Variants in HSPA12B observed in about 807,000 individuals in gnomAD.
HSPA12B encodes heat shock protein family A (Hsp70) member 12B, also known as heat shock 70 kDa protein 12B.
Under a neutral mutation model 69.3 loss-of-function variants are expected in HSPA12B, and 54 were observed. That is an observed-to-expected ratio of 0.78 (90% confidence interval 0.63 to 0.98). The LOEUF (loss-of-function observed/expected upper bound fraction) is 0.98. Ranked by LOEUF, HSPA12B falls within the 50% of genes least tolerant of loss-of-function variation. The probability of loss-of-function intolerance (pLI) is 0.00; values close to 1 mark genes in which losing one functional copy is unlikely to be tolerated. For synonymous variants in HSPA12B, 441 were observed against 436.5 expected (o/e 1.01, Z -0.13); for missense variants, 929 against 999.8 (o/e 0.93, Z 0.96).
chr20:3,734,206 G>A (rs887600852), intron 1 of HSPA12B, among the ~76,000 whole-genome samples: 1 of 152,192 alleles, frequency 6.6e-6, no homozygotes, highest in African/African-American at 2.4e-5. Flanking sequence ...TTCGTCCTAG[G>A]CTATTGTAAG....
At chr20:3,741,203 A>G (rs1446392846) in intron 3 of HSPA12B, among the ~76,000 whole-genome samples, 1 of 152,076 alleles carries the variant, frequency 6.6e-6, no homozygotes, top group African/African-American at 2.4e-5. Context: ...GGCTGAGGCA[A>G]GTGTTCCCCT....
At chr20:3,751,471 T>C in intron 12 of HSPA12B, 40 bp from the exon 13 acceptor site, 1 of 1,380,306 alleles carries the variant, frequency 7.2e-7, no homozygotes, top group Non-Finnish European at 9.3e-7. Context: ...CCCCTTCTCC[T>C]CTGCCCCCTT....
In HSPA12B at chr20:3,750,073, G is replaced by T; in HGVS notation, c.1147G>T (p.Ala383Ser). The T allele has an allele frequency of 6.2e-7, 1 of 1,611,914 alleles. No individual in the cohort carries two copies. Among genetic ancestry groups the T allele is most frequent in the Non-Finnish European group, 8.5e-7 (1 of 1,179,530 alleles). ...CACCTTCAAAAGGCAACGGCCGGCAGCCTGGGTAGATCTGACCATCGCCTT... is the reference window on the plus strand; with the variant it reads ...CACCTTCAAAAGGCAACGGCCGGCATCCTGGGTAGATCTGACCATCGCCTT... ...IATFKRQRPA[A>S]WVDLTIAFEA... The change falls in exon 11 of 13, where the codon GCC (alanine) becomes TCC (serine). Residue 383 changes from alanine (A) to serine (S), a missense_variant. By Grantham distance (99) the Ala-to-Ser change is moderately conservative. Around this residue, in one of 3 missense-constraint regions of HSPA12B, gnomAD observed 477 missense variants for 535.2 expected, o/e 0.89. Transcript: ENST00000254963.
chr20:3,736,661 G>A (rs2088112834), intron 1 of HSPA12B, among the ~76,000 whole-genome samples: 2 of 152,250 alleles, frequency 1.3e-5, no homozygotes, highest in Non-Finnish European at 2.9e-5. Context: ...GTGGTCTGCA[G>A]ACTGGCTGAG....
Position 3,752,821 on chromosome 20 carries a change from A to C in HSPA12B, c.*655A>C, listed in dbSNP as rs1240110423. ...ATGAGGGTAGCATTTCTTTCGAGAC[A>C]AAACACCCGTCTGGGAAGGCCCCAA... On this transcript the variant is annotated 3_prime_UTR_variant, in exon 13 of 13. Transcript: ENST00000254963. The C allele has an allele frequency of 6.5e-6, 1 of 153,752 alleles. No individual in the cohort carries two copies. The highest frequency in any genetic ancestry group is 1.5e-5 in the Non-Finnish European group (1 of 68,076). The allele number at this position is 153,752 out of a possible 1,614,324, so 9.5% of individuals were successfully genotyped here. A position where few individuals can be genotyped will look rare whatever the true frequency, so the allele number is the denominator to read the frequency against.
chr20:3,745,474 C>T lies in HSPA12B; in HGVS notation c.454-19C>T, dbSNP rs761752237. On this transcript the variant is annotated intron_variant, in intron 5 of 12. Coordinates refer to ENST00000254963, the MANE Select transcript of HSPA12B (RefSeq NM_052970.5). This position sits in a 1 kb window ranked among gnomAD's most constrained non-coding sequence, Gnocchi z 5.6. Reference sequence around the variant, plus strand: ...GCCAAGCTGAGGCCTCCTGCAGAGCCGCCCTGTGTCCCTGCCAGGATCTCA... The same window carrying T: ...GCCAAGCTGAGGCCTCCTGCAGAGCTGCCCTGTGTCCCTGCCAGGATCTCA... 2 of 1,590,716 alleles carry T rather than the reference C, an allele frequency of 1.3e-6. No homozygotes were observed. Among genetic ancestry groups the T allele is most frequent in the South Asian group, 2.2e-5 (2 of 90,604 alleles).
chr20:3,733,770 G>A (rs533180637), intron 1 of HSPA12B, among the ~76,000 whole-genome samples: 61 of 152,332 alleles, frequency 4.0e-4, no homozygotes, highest in African/African-American at 1.3e-3. Flanking sequence ...CACTTAGCCC[G>A]CTGACGGAGT....
chr20:3,751,972 G>C lies in HSPA12B; in HGVS notation c.1867G>C (p.Gly623Arg). The change falls in exon 13 of 13, where the codon GGC becomes CGC. Residue 623 changes from glycine (G) to arginine (R), a missense_variant. This residue lies in a region of HSPA12B where 448 missense variants were observed against 448.1 expected (regional missense o/e 1.00). Coordinates refer to ENST00000254963, the MANE Select transcript of HSPA12B (RefSeq NM_052970.5). ...AEDARFITDPGVRKCGALSLE... is the reference protein window; with the variant it reads ...AEDARFITDPRVRKCGALSLE... ...GGATGCGCGCTTCATCACCGACCCC[G>C]GCGTGCGCAAATGCGGCGCGCTCAG... The C allele has an allele frequency of 6.3e-7, 1 of 1,578,276 alleles. No homozygotes were observed. Among genetic ancestry groups the C allele is most frequent in the Non-Finnish European group, 8.6e-7 (1 of 1,167,552 alleles).
chr20:3,752,227 C>A lies in HSPA12B; in HGVS notation c.*61C>A. The stretch of plus-strand genomic sequence containing the variant: ...GCCCCGCCCTCTTTCGGTTCAGGGG[C>A]CTGCGGAGCGGGTTGGGGCGGGGGA... On this transcript the variant is annotated 3_prime_UTR_variant, in exon 13 of 13. Coordinates refer to ENST00000254963, the MANE Select transcript of HSPA12B (RefSeq NM_052970.5). 1.4e-6 allele frequency: 2 copies of A among 1,392,556 alleles called. No individual in the cohort carries two copies. The highest frequency in any genetic ancestry group is 2.7e-5 in the East Asian group (1 of 36,736). The allele number at this position is 1,392,556 out of a possible 1,614,324, so 86.3% of individuals were successfully genotyped here.
rs748448416 is a variant in HSPA12B at position 3,742,299 on chromosome 20, G to GC, written c.163dup (p.Gln55ProfsTer12). 1 of 1,613,930 alleles carries GC rather than the reference G, an allele frequency of 6.2e-7. No homozygotes were observed. The highest frequency in any genetic ancestry group is 8.5e-7 in the Non-Finnish European group (1 of 1,179,820). On this transcript the variant is annotated frameshift_variant, in exon 4 of 13. Transcript: ENST00000254963. LOFTEE classifies it high-confidence loss of function. The stretch of plus-strand genomic sequence containing the variant: ...GCACTTGCAGAAACCCGAGGTCCGA[G>GC]CCCCCCAGCAGGCCTCCTTCTCTGT...
chr20:3,750,303 C>A, intron 11 of HSPA12B, 76 bp downstream of exon 11: 1 of 1,404,754 alleles, frequency 7.1e-7, no homozygotes, highest in Non-Finnish European at 9.5e-7. Flanking sequence ...TCCCGGGCCC[C>A]AAGGAACGGT....
chr20:3,735,823 G>C (rs1368131725), intron 1 of HSPA12B, among the ~76,000 whole-genome samples: 1 of 151,988 alleles, frequency 6.6e-6, no homozygotes, highest in Non-Finnish European at 1.5e-5. Context: ...CAATAGCCTC[G>C]GTCCAGAAAA....
rs2088440802 is a variant in HSPA12B, at chr20:3,752,206, C to T, written c.*40C>T. On this transcript the variant is annotated 3_prime_UTR_variant, in exon 13 of 13. Coordinates refer to ENST00000254963, the MANE Select transcript of HSPA12B (RefSeq NM_052970.5). ...GGTGCCAGCGCCGTCTGCCCGGCCC[C>T]GCCCTCTTTCGGTTCAGGGGCCTGC... is the stretch of plus-strand genomic sequence containing the variant. The T allele has an allele frequency of 1.4e-6, 2 of 1,436,972 alleles. No homozygotes were observed. The highest frequency in any genetic ancestry group is 3.0e-5 in the African/African-American group (2 of 67,020). 89.0% of individuals were successfully genotyped at this position (1,436,972 alleles called of 1,614,324 possible).
At chr20:3,747,821 C>T (rs1161694215) in intron 7 of HSPA12B, among the ~76,000 whole-genome samples, 1 of 152,260 alleles carries the variant, frequency 6.6e-6, no homozygotes, top group East Asian at 1.9e-4. Context: ...CACACACCCC[C>T]ACATTGTGCT....
At chr20:3,733,400 C>T (rs2088060913) in intron 1 of HSPA12B, among the ~76,000 whole-genome samples, 1 of 152,086 alleles carries the variant, frequency 6.6e-6, no homozygotes, top group Admixed American at 6.6e-5. Flanking sequence ...TAGGGACCCT[C>T]CGGAGAGCAG....
chr20:3,745,039 G>A lies in HSPA12B; in HGVS notation c.404G>A (p.Arg135Gln), dbSNP rs1420311399. The part of the protein sequence containing the change: ...YYHDLDPEEA[R>Q]DWLYFEKFKM... ...CATGACCTGGACCCCGAAGAGGCGC[G>A]GGACTGGCTCTACTTCGAGAAGTTC... The change falls in exon 5 of 13, where the codon CGG (arginine) becomes CAG (glutamine). Residue 135 changes from arginine to glutamine, a missense_variant. Transcript: ENST00000254963. This position sits in a 1 kb window ranked among gnomAD's most constrained non-coding sequence, Gnocchi z 5.6. The A allele has an allele frequency of 1.9e-6, 3 of 1,613,890 alleles. No individual in the cohort carries two copies. Among genetic ancestry groups the A allele is most frequent in the Non-Finnish European group, 2.5e-6 (3 of 1,180,046 alleles).
Position 3,737,209 on chromosome 20 carries a change from C to T in HSPA12B, c.-17-1449C>T, listed in dbSNP as rs575065047. On this transcript the variant is annotated intron_variant, in intron 1 of 12. Coordinates refer to ENST00000254963, the MANE Select transcript of HSPA12B (RefSeq NM_052970.5). This position sits in a 1 kb window ranked among gnomAD's most constrained non-coding sequence, Gnocchi z 4.1. ...CAATGCTGCTGATCCTCAGCCCACA[C>T]TTTGAGTAACAAAGCTGTTGATGGT... is the stretch of plus-strand genomic sequence containing the variant. Among the ~76,000 whole-genome samples, 1 of 152,224 alleles carries T rather than the reference C, an allele frequency of 6.6e-6. No homozygotes were observed. Among genetic ancestry groups the T allele is most frequent in the Non-Finnish European group, 1.5e-5 (1 of 68,044 alleles).
intron 4 of HSPA12B, among the ~76,000 whole-genome samples, chr20:3,742,872 G>A (rs2088227827): frequency 6.9e-6 from 1 of 144,090 alleles, no homozygotes; most frequent in South Asian, 2.3e-4. Context: ...TAACTTTTGT[G>A]GGGTTTTTTG....
intron 4 of HSPA12B, among the ~76,000 whole-genome samples, chr20:3,743,546 A>G (rs2088244594): frequency 6.6e-6 from 1 of 152,094 alleles, no homozygotes; most frequent in Non-Finnish European, 1.5e-5. Flanking sequence ...ATACAAACAT[A>G]TATGTGTTTT....
Sources: gnomAD v4.1 joint callset for allele counts (sites outside exome capture counted in the v4.1 genomes callset) on GRCh38, gnomAD v4.1.1 for gene constraint, gnomAD v4.1.1 regional missense constraint, Gnocchi (gnomAD v3.1) non-coding constraint, MANE v1.5 for transcripts, NCBI Gene and HGNC (gene_info 2026-07-23, HGNC 2026-07-21) for gene names.